CHST11: variants seen among roughly 807,000 people sequenced by gnomAD.
The protein encoded by CHST11 is carbohydrate sulfotransferase 11, also known as C4S-1.
In CHST11, 9 loss-of-function variants were observed where a neutral mutation model predicts 30.4. The observed-to-expected ratio is 0.30, with a 90% CI of 0.18 to 0.52. The LOEUF is 0.52. Among genes scored for constraint, CHST11 ranks in the 20% least tolerant of loss-of-function variants. The pLI is 0.97. For missense variants in CHST11, 348 were observed against 460.6 expected, an observed-to-expected ratio of 0.76 and a Z score of 2.24; for synonymous variants, 152 against 187.8, an observed-to-expected ratio of 0.81 and a Z score of 1.56.
intron 2 of CHST11, among the ~76,000 whole-genome samples, chr12:104,705,766 C>T (rs2040027156): frequency 6.6e-6 from 1 of 151,810 alleles, no homozygotes. Flanking sequence ...ACAAAAAATA[C>T]AAAAATTAGC....
At chr12:104,683,698 A>T (rs2136103755) in intron 2 of CHST11, among the ~76,000 whole-genome samples, 1 of 152,322 alleles carries the variant, frequency 6.6e-6, no homozygotes, top group African/African-American at 2.4e-5. Context: ...CATGCTTTGA[A>T]CATTTTTCTT....
intron 2 of CHST11, among the ~76,000 whole-genome samples, chr12:104,733,267 C>T (rs555419585): frequency 5.3e-5 from 8 of 152,372 alleles, no homozygotes; most frequent in Non-Finnish European, 8.8e-5. Flanking sequence ...TCTAGCTTTC[C>T]AGATCCCACA....
intron 2 of CHST11, among the ~76,000 whole-genome samples, chr12:104,720,381 T>C (rs2040164928): frequency 6.6e-6 from 1 of 152,248 alleles, no homozygotes; most frequent in Admixed American, 6.5e-5. Context: ...CTGGGACTCA[T>C]GGCGTCCAAG....
chr12:104,652,199 A>G (rs2039496735), intron 2 of CHST11, among the ~76,000 whole-genome samples: 1 of 152,188 alleles, frequency 6.6e-6, no homozygotes, highest in Non-Finnish European at 1.5e-5. Context: ...TTTAACAATC[A>G]TTTACATTTT....
At chr12:104,725,515 A>ATTT (rs201640286) in intron 2 of CHST11, among the ~76,000 whole-genome samples, 24 of 143,696 alleles carry the variant, frequency 1.7e-4, no homozygotes, top group African/African-American at 6.2e-4. Flanking sequence ...AAAGCTGTTA[A>ATTT]TTTTTTTTTT....
chr12:104,468,366 C>T lies in CHST11; in HGVS notation c.118+10837C>T, dbSNP rs114851029. Among the ~76,000 whole-genome samples, 265 of 152,224 alleles carry T rather than the reference C, an allele frequency of 1.7e-3. 1 individual carries two copies. The highest frequency in any genetic ancestry group is 5.8e-3 in the African/African-American group (240 of 41,510). ...CCCCATGGGACTCGTATAATGTATA[C>T]GCTATAATTACCACCATTTTACAAG... On this transcript the variant is annotated intron_variant, in intron 1 of 2. Coordinates refer to ENST00000303694, the MANE Select transcript of CHST11 (RefSeq NM_018413.6).
chr12:104,662,903 A>G (rs891037115), intron 2 of CHST11, among the ~76,000 whole-genome samples: 1 of 152,240 alleles, frequency 6.6e-6, no homozygotes, highest in African/African-American at 2.4e-5. Context: ...AGGAATTGAT[A>G]AATGATTTAG....
At chr12:104,481,868 G>A (rs1335739369) in intron 1 of CHST11, among the ~76,000 whole-genome samples, 4 of 44,464 alleles carry the variant, frequency 9.0e-5, no homozygotes, top group Non-Finnish European at 1.8e-4. Flanking sequence ...TTGGAGTTTT[G>A]TTCTTGTTGC....
At chr12:104,464,834 A>G (rs955681857) in intron 1 of CHST11, among the ~76,000 whole-genome samples, 14 of 152,246 alleles carry the variant, frequency 9.2e-5, no homozygotes, top group African/African-American at 3.1e-4. Flanking sequence ...TCAGCACTCA[A>G]TAAAAATAAA....
chr12:104,469,038 C>T (rs7137559), intron 1 of CHST11, among the ~76,000 whole-genome samples: 47,834 of 151,982 alleles, frequency 0.31, 8,057 homozygotes, highest in African/African-American at 0.45. Flanking sequence ...GATAAATTAC[C>T]TGTGTGGTTC....
chr12:104,669,420 AT>A lies in CHST11; in HGVS notation c.204+67437del, dbSNP rs34475114. 7.7e-3 allele frequency among the ~76,000 whole-genome samples: 1,167 copies of A among 151,934 alleles called. 5 individuals are homozygous for A. The highest frequency in any genetic ancestry group is 0.017 in the Middle Eastern group (5 of 294). On this transcript the variant is annotated intron_variant, in intron 2 of 2. Transcript: ENST00000303694. ...GCAGCTCTCAGAAATGGTGCAAATG[AT>A]TTTTTTTCCCCCTTGAAAAGGGATG...
At chr12:104,581,539 G>A (rs1189329932) in intron 1 of CHST11, among the ~76,000 whole-genome samples, 2 of 152,192 alleles carry the variant, frequency 1.3e-5, no homozygotes, top group Non-Finnish European at 1.5e-5. Context: ...TCGAGTGACT[G>A]GAAACCGTTG....
At chr12:104,541,056 G>C (rs1156801175) in intron 1 of CHST11, among the ~76,000 whole-genome samples, 1 of 151,878 alleles carries the variant, frequency 6.6e-6, no homozygotes, top group Non-Finnish European at 1.5e-5. Context: ...CAACACACTA[G>C]CTTGTAAGAA....
intron 2 of CHST11, among the ~76,000 whole-genome samples, chr12:104,670,528 T>G (rs2039683148): frequency 6.8e-6 from 1 of 146,656 alleles, no homozygotes; most frequent in Non-Finnish European, 1.5e-5. Context: ...CATACACACA[T>G]GCACTCACAC....
chr12:104,599,332 T>C (rs1010298326), intron 1 of CHST11, among the ~76,000 whole-genome samples: 3 of 152,208 alleles, frequency 2.0e-5, no homozygotes, highest in African/African-American at 4.8e-5. Context: ...AGCAGACTTT[T>C]AATGGATTCC....
intron 2 of CHST11, among the ~76,000 whole-genome samples, chr12:104,751,802 C>T (rs1342616376): frequency 6.6e-6 from 1 of 152,220 alleles, no homozygotes; most frequent in East Asian, 1.9e-4. Flanking sequence ...GGAACTGAGA[C>T]TCAGAAGGGT....
intron 1 of CHST11, among the ~76,000 whole-genome samples, chr12:104,596,580 T>C (rs1441419998): frequency 1.8e-5 from 1 of 54,300 alleles, no homozygotes; most frequent in Non-Finnish European, 3.6e-5. Flanking sequence ...AATTTGCTAC[T>C]TGCCCTTGCT....
At chr12:104,528,879 A>G (rs1455798973) in intron 1 of CHST11, among the ~76,000 whole-genome samples, 1 of 152,204 alleles carries the variant, frequency 6.6e-6, no homozygotes, top group African/African-American at 2.4e-5. Flanking sequence ...GAGTTGTGCC[A>G]TACCACTGAA....
At chr12:104,521,038 A>C (rs548844587) in intron 1 of CHST11, among the ~76,000 whole-genome samples, 33 of 152,338 alleles carry the variant, frequency 2.2e-4, no homozygotes, top group Admixed American at 2.0e-3. Flanking sequence ...AGCTGCCCTA[A>C]TTAAATAGTA....
Sources: gnomAD v4.1 joint callset for allele counts (sites outside exome capture counted in the v4.1 genomes callset) on GRCh38, gnomAD v4.1.1 for gene constraint, MANE v1.5 for transcripts, NCBI Gene and HGNC (gene_info 2026-07-23, HGNC 2026-07-21) for gene names.